The following NXN variants were observed in gnomAD, a reference collection of about 807,000 sequenced individuals.
NXN encodes nucleoredoxin 1.
Under a neutral mutation model 48.6 loss-of-function variants are expected in NXN, and 16 were observed. That is an observed-to-expected ratio of 0.33 (90% CI 0.22 to 0.50). NXN has a LOEUF of 0.50. NXN is among the 20% of genes least tolerant of loss of function. The pLI is 0.98. For missense variants in NXN, 492 were observed against 605.5 expected, an observed-to-expected ratio of 0.81 and a Z score of 1.97; for synonymous variants, 281 against 269.6, an observed-to-expected ratio of 1.04 and a Z score of -0.41.
Position 862,707 on chromosome 17 carries a change from C to T in NXN, c.361-36629G>A, listed in dbSNP as rs890124333. Among the ~76,000 whole-genome samples, 12 of 152,308 alleles carry T rather than the reference C, an allele frequency of 7.9e-5. No homozygotes were observed. The East Asian group carries it at 2.3e-3, about 29-fold the overall frequency. ...TAGAGTGATCTGGCAGACATTAGCT[C>T]AACCAAATGTTTAACCTCAGCATCA... On this transcript the variant is annotated intron_variant, in intron 1 of 7. Coordinates refer to ENST00000336868, the MANE Select transcript of NXN (RefSeq NM_022463.5).
intron 5 of NXN, among the ~76,000 whole-genome samples, chr17:813,019 G>A (rs1229770019): frequency 1.3e-5 from 2 of 151,992 alleles, no homozygotes; most frequent in East Asian, 1.9e-4. Flanking sequence ...TGTAGGTTGT[G>A]TGCACGCGTG....
chr17:818,305 T>C (rs940130229), intron 5 of NXN, among the ~76,000 whole-genome samples: 3 of 152,018 alleles, frequency 2.0e-5, no homozygotes, highest in African/African-American at 7.2e-5. Flanking sequence ...ATTAGTACTC[T>C]AAGTCCTAGT....
chr17:936,585 A>C (rs2068910214), intron 1 of NXN, among the ~76,000 whole-genome samples: 2 of 151,574 alleles, frequency 1.3e-5, no homozygotes, highest in African/African-American at 4.9e-5. Flanking sequence ...GCAGGAGAGA[A>C]GGGCGAGGTG....
intron 1 of NXN, among the ~76,000 whole-genome samples, chr17:835,134 C>G (rs1476384863): frequency 6.6e-6 from 1 of 151,362 alleles, no homozygotes; most frequent in Non-Finnish European, 1.5e-5. Flanking sequence ...TGGTGAAACC[C>G]TGTCTCTACT....
Position 849,464 on chromosome 17 carries a change from C to T in NXN, c.361-23386G>A, listed in dbSNP as rs571823352. Among the ~76,000 whole-genome samples, 18 of 152,024 alleles carry T rather than the reference C, an allele frequency of 1.2e-4. No individual in the cohort carries two copies. Among genetic ancestry groups the T allele is most frequent in the South Asian group, 1.0e-3 (5 of 4,810 alleles). On this transcript the variant is annotated intron_variant, in intron 1 of 7. Coordinates refer to ENST00000336868, the MANE Select transcript of NXN (RefSeq NM_022463.5). The surrounding 1 kb of genome is among the most constrained non-coding windows in gnomAD (Gnocchi z 4.2). The stretch of plus-strand genomic sequence containing the variant: ...AGAAGAATTGCTTGAACCTGGGAGG[C>T]GGAGGTTGCAGTGAGCTGAGATCGC...
intron 1 of NXN, among the ~76,000 whole-genome samples, chr17:859,519 T>C (rs971923849): frequency 6.6e-6 from 1 of 152,158 alleles, no homozygotes. Flanking sequence ...GCAACCCTTA[T>C]GCAGGAGGGA....
In NXN at chr17:939,637, C is replaced by T. The variant is rs926816805; in HGVS notation, c.360+39682G>A. Among the ~76,000 whole-genome samples the T allele has an allele frequency of 7.9e-5, 12 of 152,068 alleles. No individual in the cohort carries two copies. The Middle Eastern group carries it at 0.01, about 130-fold the overall frequency. ...CTGGGATTACAGGCGTGAGCCACCG[C>T]GCCTGGCCAGAGATCATCTTTTTAA... On this transcript the variant is annotated intron_variant, in intron 1 of 7. Transcript: ENST00000336868.
chr17:946,048 A>G (rs1293746575), intron 1 of NXN, among the ~76,000 whole-genome samples: 2 of 152,142 alleles, frequency 1.3e-5, no homozygotes, highest in Non-Finnish European at 2.9e-5. Flanking sequence ...AGGAGAGGGA[A>G]AGGGAGAGAG....
At chr17:858,169 C>A (rs995006747) in intron 1 of NXN, among the ~76,000 whole-genome samples, 1 of 151,812 alleles carries the variant, frequency 6.6e-6, no homozygotes, top group Non-Finnish European at 1.5e-5. Flanking sequence ...CGACGTTTCA[C>A]CATGTTGCGG....
At chr17:852,807 GAAGA>G (rs916246765) in intron 1 of NXN, among the ~76,000 whole-genome samples, 3 of 152,014 alleles carry the variant, frequency 2.0e-5, no homozygotes, top group African/African-American at 7.3e-5. Flanking sequence ...CGCAAATTGG[GAAGA>G]AAGAGCTTGA....
In NXN at chr17:979,485, G is replaced by A. The variant is rs2069511585; in HGVS notation, c.194C>T (p.Ala65Val). ...AFYGRLRGDA[A>V]AGPGPGAGAG... ...CCCCGCTCCCGGCCCCGGCCCGGCC[G>A]CCGCGTCCCCCCGCAGGCGCCCGTA... The change falls in exon 1 of 8, where the codon GCG (alanine) becomes GTG (valine). Residue 65 changes from alanine (A) to valine (V), a missense_variant. Ala to Val is a moderately conservative substitution (Grantham distance 64). Around this residue, in one of 3 missense-constraint regions of NXN, gnomAD observed 186 missense variants for 199.1 expected, o/e 0.93. Coordinates refer to ENST00000336868, the MANE Select transcript of NXN (RefSeq NM_022463.5). 2.5e-6 allele frequency: 3 copies of A among 1,193,432 alleles called. No homozygotes were observed. Among genetic ancestry groups the A allele is most frequent in the Non-Finnish European group, 3.1e-6 (3 of 962,290 alleles). 73.9% of individuals were successfully genotyped at this position (1,193,432 alleles called of 1,614,324 possible).
intron 1 of NXN, among the ~76,000 whole-genome samples, chr17:938,403 C>A (rs1301643341): frequency 1.3e-5 from 2 of 152,234 alleles, no homozygotes; most frequent in Admixed American, 1.3e-4. Context: ...CCAGCCCGGC[C>A]GGGCGCGGCG....
At chr17:916,461 AATAAAT>A (rs1339105440) in intron 1 of NXN, among the ~76,000 whole-genome samples, 1 of 152,254 alleles carries the variant, frequency 6.6e-6, no homozygotes, top group African/African-American at 2.4e-5. Context: ...AAAAAAGGAA[AATAAAT>A]ATAAACACAT....
intron 1 of NXN, among the ~76,000 whole-genome samples, chr17:954,170 G>C (rs1189262895): frequency 6.6e-6 from 1 of 152,114 alleles, no homozygotes; most frequent in African/African-American, 2.4e-5. Context: ...CTGAGGTCAG[G>C]AGTTCGAGAC....
intron 1 of NXN, among the ~76,000 whole-genome samples, chr17:936,388 G>A (rs539397974): frequency 1.3e-5 from 2 of 152,030 alleles, no homozygotes; most frequent in African/African-American, 2.4e-5. Flanking sequence ...GAGTGTCCAC[G>A]GTGAGGTGGT....
Position 919,458 on chromosome 17 carries a change from C to T in NXN, c.360+59861G>A, listed in dbSNP as rs2068723190. Among the ~76,000 whole-genome samples, 1 of 152,132 alleles carries T rather than the reference C, an allele frequency of 6.6e-6. No homozygotes were observed. On this transcript the variant is annotated intron_variant, in intron 1 of 7. Transcript: ENST00000336868. The surrounding 1 kb of genome is among the most constrained non-coding windows in gnomAD (Gnocchi z 5.1). ...TGCAGGGCAATCATTCCTTAAGATG[C>T]TAGAAAACGTGTTATTGTAACACGA...
At chr17:857,906 T>C (rs1028943268) in intron 1 of NXN, among the ~76,000 whole-genome samples, 3 of 152,202 alleles carry the variant, frequency 2.0e-5, no homozygotes, top group African/African-American at 7.2e-5. Flanking sequence ...CTTGCTTTGA[T>C]GTCAATAAAT....
chr17:927,999 C>G (rs2068818688), intron 1 of NXN, among the ~76,000 whole-genome samples: 1 of 151,816 alleles, frequency 6.6e-6, no homozygotes, highest in African/African-American at 2.4e-5. Flanking sequence ...GATAAACATC[C>G]TAGATAAAGG....
intron 7 of NXN, among the ~76,000 whole-genome samples, chr17:803,402 G>A (rs1306446320): frequency 1.3e-5 from 2 of 152,118 alleles, no homozygotes; most frequent in South Asian, 2.1e-4. Context: ...TTGCAGCCAC[G>A]GCCACTCTCC....
Sources: allele counts gnomAD v4.1 joint callset (sites outside exome capture counted in the v4.1 genomes callset), GRCh38; gene constraint gnomAD v4.1.1; regional missense constraint gnomAD v4.1.1; non-coding constraint Gnocchi (gnomAD v3.1); transcripts MANE v1.5; gene names NCBI Gene and HGNC (gene_info 2026-07-23, HGNC 2026-07-21).